Variants in CDC42EP3 observed in about 807,000 individuals in gnomAD.
The protein encoded by CDC42EP3 is CDC42 effector protein 3.
A neutral mutation model predicts 15.5 loss-of-function variants in CDC42EP3; 4 were observed. That is an observed-to-expected ratio of 0.26 (90% CI 0.13 to 0.59). CDC42EP3 has a LOEUF of 0.59. Among genes scored for constraint, CDC42EP3 ranks in the 20% least tolerant of loss-of-function variants. The pLI is 0.89. For missense variants in CDC42EP3, 309 were observed against 311.2 expected (o/e 0.99, Z 0.05); for synonymous variants, 145 against 130.3 (o/e 1.11, Z -0.77).
rs536518414 is a variant in CDC42EP3 at position 37,646,334 on chromosome 2, A to T, written c.254T>A (p.Phe85Tyr). 4 of 1,614,108 alleles carry T rather than the reference A, an allele frequency of 2.5e-6. No homozygotes were observed. The highest frequency in any genetic ancestry group is 3.4e-6 in the Non-Finnish European group (4 of 1,179,992). The change falls in exon 2 of 2, where the codon TTC becomes TAC. Residue 85 changes from phenylalanine (F) to tyrosine (Y), a missense_variant. Physicochemically the swap from Phe to Tyr is conservative, Grantham distance 22. Transcript: ENST00000295324. The part of the protein sequence containing the change: ...LGQFPGHNEF[F>Y]RANSTSDSVF... ...AGAGTCCGAGGTGCTGTTGGCCCGG[A>T]AGAACTCATTATGCCCAGGGAACTG... is the stretch of plus-strand genomic sequence containing the variant.
At chr2:37,652,413 G>C (rs1489255175) in intron 1 of CDC42EP3, among the ~76,000 whole-genome samples, 2 of 152,094 alleles carry the variant, frequency 1.3e-5, no homozygotes, top group Non-Finnish European at 1.5e-5. Flanking sequence ...CTACAACTAG[G>C]GAGCGGGCCC....
chr2:37,657,001 C>CCCCCCCCCCCCCCCCCCCCCCG (rs1208218676), intron 1 of CDC42EP3, among the ~76,000 whole-genome samples: 2 of 103,278 alleles, frequency 1.9e-5, no homozygotes, highest in Admixed American at 1.2e-4. Context: ...CCCCCCGCCC[C>CCCCCCCCCCCCCCCCCCCCCCG]CCGCCATCCT....
upstream of CDC42EP3, chr2:37,672,020 G>A (rs1572533805): frequency 6.6e-6 from 1 of 152,280 alleles, no homozygotes; most frequent in East Asian, 1.9e-4. Context: ...ATAGGACTCC[G>A]CCCGCACCCC....
rs1665452227 is a variant in CDC42EP3, at chr2:37,646,130, G to A, written c.458C>T (p.Ala153Val). The A allele has an allele frequency of 1.9e-6, 3 of 1,614,206 alleles. No homozygotes were observed. Among genetic ancestry groups the A allele is most frequent in the Middle Eastern group, 1.7e-4 (1 of 6,060 alleles). The change falls in exon 2 of 2, where the codon GCT becomes GTT. Residue 153 changes from alanine to valine, a missense_variant. By Grantham distance (64) the Ala-to-Val change is moderately conservative (BLOSUM62 0). Coordinates refer to ENST00000295324, the MANE Select transcript of CDC42EP3 (RefSeq NM_006449.5). The stretch of plus-strand genomic sequence containing the variant: ...CTCCAACAGACTGCTTTTCTCCTGA[G>A]CTTTTTCCTCCATGACGGGCTCGCA... ...LSCEPVMEEK[A>V]QEKSSLLENG... is the part of the protein sequence containing the mutation.
At chr2:37,662,460 G>A (rs1666087524) in intron 1 of CDC42EP3, among the ~76,000 whole-genome samples, 5 of 152,170 alleles carry the variant, frequency 3.3e-5, no homozygotes, top group Non-Finnish European at 7.4e-5. Flanking sequence ...TTTAGACCTT[G>A]GGATCTGGCC....
chr2:37,651,141 AAG>A (rs1241898636), intron 1 of CDC42EP3, among the ~76,000 whole-genome samples: 1 of 152,222 alleles, frequency 6.6e-6, no homozygotes, highest in African/African-American at 2.4e-5. Context: ...AGGAAAAAAA[AAG>A]AGGTGCAAAT....
intron 1 of CDC42EP3, among the ~76,000 whole-genome samples, chr2:37,669,232 C>CT (rs1491321377): frequency 2.7e-5 from 1 of 37,422 alleles, no homozygotes; most frequent in African/African-American, 1.2e-4. Flanking sequence ...TATGGCCTGG[C>CT]TAAAAAAAAA....
At chr2:37,650,861 G>A (rs951965006) in intron 1 of CDC42EP3, among the ~76,000 whole-genome samples, 2 of 152,218 alleles carry the variant, frequency 1.3e-5, no homozygotes. Flanking sequence ...TAGAGGCAGT[G>A]GGGCAATATC....
chr2:37,644,947 T>G lies in CDC42EP3; in HGVS notation c.*876A>C, dbSNP rs988726004. 1 of 152,218 alleles carries G rather than the reference T, an allele frequency of 6.6e-6. No individual in the cohort carries two copies. Among genetic ancestry groups the G allele is most frequent in the Non-Finnish European group, 1.5e-5 (1 of 68,028 alleles). The allele number at this position is 152,218 out of a possible 1,614,324, so 9.4% of individuals were successfully genotyped here. A position where few individuals can be genotyped will look rare whatever the true frequency, so the allele number is the denominator to read the frequency against. ...ATAACATATGTGGTGTAGCCCACAG[T>G]CTCTGCAGAAGCATCATGAGTAACC... is the stretch of plus-strand genomic sequence containing the variant. On this transcript the variant is annotated 3_prime_UTR_variant, in exon 2 of 2. Coordinates refer to ENST00000295324, the MANE Select transcript of CDC42EP3 (RefSeq NM_006449.5).
intron 1 of CDC42EP3, among the ~76,000 whole-genome samples, chr2:37,651,976 C>T (rs1665695980): frequency 6.6e-6 from 1 of 151,778 alleles, no homozygotes; most frequent in South Asian, 2.1e-4. Context: ...GAGATAAAGA[C>T]CATCCTGGCT....
rs1666417014 is a variant in CDC42EP3, at chr2:37,671,464, C to T, written c.-274G>A. 1 of 152,908 alleles carries T rather than the reference C, an allele frequency of 6.5e-6. No individual in the cohort carries two copies. The highest frequency in any genetic ancestry group is 1.5e-5 in the Non-Finnish European group (1 of 68,644). The allele number at this position is 152,908 out of a possible 1,614,324, so 9.5% of individuals were successfully genotyped here. On this transcript the variant is annotated 5_prime_UTR_variant, in exon 1 of 2. Transcript: ENST00000295324. ...GGATCCCAGCCGCTGCCCCGGGCCT[C>T]CCGCGGGCGCACGCAATCCCTGCCG...
chr2:37,659,319 A>G (rs1665010623), intron 1 of CDC42EP3, among the ~76,000 whole-genome samples: 1 of 152,198 alleles, frequency 6.6e-6, no homozygotes, highest in South Asian at 2.1e-4. Flanking sequence ...GAAAACAAAC[A>G]TGTAACAAGA....
chr2:37,672,511 G>A (rs2240985), upstream of CDC42EP3: 15,928 of 152,226 alleles, frequency 0.1, 1,495 homozygotes, highest in East Asian at 0.46. Context: ...ACCTGCGCCC[G>A]CCGGTCACCC....
chr2:37,662,932 A>C (rs1043341824), intron 1 of CDC42EP3, among the ~76,000 whole-genome samples: 3 of 152,194 alleles, frequency 2.0e-5, no homozygotes, highest in Non-Finnish European at 4.4e-5. Context: ...TGGGAGGCCG[A>C]GGCGGGCGGA....
rs1185259193 is a variant in CDC42EP3 at position 37,644,595 on chromosome 2, C to G, written c.*1228G>C. The G allele has an allele frequency of 2.0e-5, 3 of 150,354 alleles. No homozygotes were observed. The East Asian group carries it at 5.9e-4, about 29-fold the overall frequency. 9.3% of individuals were successfully genotyped at this position (150,354 alleles called of 1,614,324 possible). On this transcript the variant is annotated 3_prime_UTR_variant, in exon 2 of 2. Coordinates refer to ENST00000295324, the MANE Select transcript of CDC42EP3 (RefSeq NM_006449.5). The stretch of plus-strand genomic sequence containing the variant: ...AGTCAGGAAGATGCTCAGAAATGAC[C>G]ACTGAGAGGGTGGCATCAGTGCTGA...
intron 1 of CDC42EP3, among the ~76,000 whole-genome samples, chr2:37,653,601 A>G (rs1385877752): frequency 1.3e-5 from 2 of 152,164 alleles, no homozygotes; most frequent in East Asian, 3.8e-4. Flanking sequence ...ACAGACAGAA[A>G]AATCAGCTCC....
intron 1 of CDC42EP3, among the ~76,000 whole-genome samples, chr2:37,649,177 A>G (rs1665582383): frequency 1.3e-5 from 2 of 151,936 alleles, no homozygotes; most frequent in Non-Finnish European, 2.9e-5. Flanking sequence ...TTAGCTGGGC[A>G]TGGGGGCACC....
At position 37,646,171 on chromosome 2, in the gene CDC42EP3, C is replaced by G; in HGVS notation, c.417G>C (p.Lys139Asn). ...CGGGCTCGCAGCTAAGCCTGGGCAGCTTTGCTGGCCCGAAGGACTCCTGTT... is the reference window on the plus strand; with the variant it reads ...CGGGCTCGCAGCTAAGCCTGGGCAGGTTTGCTGGCCCGAAGGACTCCTGTT... ...NSKQESFGPA[K>N]LPRLSCEPVM... Residue 139 changes from lysine to asparagine, a missense_variant, in exon 2 of 2, where the codon AAG (lysine) becomes AAC (asparagine). Physicochemically the swap from Lys to Asn is moderately conservative, Grantham distance 94 (BLOSUM62 0). Transcript: ENST00000295324. The G allele has an allele frequency of 6.2e-7, 1 of 1,614,184 alleles. No homozygotes were observed. Among genetic ancestry groups the G allele is most frequent in the Admixed American group, 1.7e-5 (1 of 60,026 alleles).
chr2:37,664,292 C>T (rs188917196), intron 1 of CDC42EP3, among the ~76,000 whole-genome samples: 45 of 152,278 alleles, frequency 3.0e-4, no homozygotes, highest in African/African-American at 9.1e-4. Context: ...CATCAGACTC[C>T]AAGTTCTTCA....
Sources: gnomAD v4.1 joint callset for allele counts (sites outside exome capture counted in the v4.1 genomes callset) on GRCh38, gnomAD v4.1.1 for gene constraint, MANE v1.5 for transcripts, NCBI Gene and HGNC (gene_info 2026-07-23, HGNC 2026-07-21) for gene names.